ARID2: variants seen among roughly 807,000 people sequenced by gnomAD.
The protein encoded by ARID2 is AT-rich interactive domain-containing protein 2.
ARID2 carries 32 observed loss-of-function variants against 184.6 expected under a neutral mutation model. The observed-to-expected ratio is 0.17, with a 90% CI of 0.13 to 0.23. The LOEUF is 0.23. Among genes scored for constraint, ARID2 ranks in the 10% least tolerant of loss-of-function variants. The pLI is 1.00. For missense variants in ARID2, 1,696 were observed against 2,197.6 expected (o/e 0.77, Z 4.56); for synonymous variants, 836 against 772.6 (o/e 1.08, Z -1.36).
At chr12:45,878,151 TTTTC>T (rs1490654286) in intron 16 of ARID2, among the ~76,000 whole-genome samples, 2 of 152,212 alleles carry the variant, frequency 1.3e-5, no homozygotes, top group Non-Finnish European at 2.9e-5. Flanking sequence ...GTGAAGGTTT[TTTTC>T]TTTGTCTTTG....
chr12:45,734,588 T>A (rs960064313), intron 3 of ARID2, among the ~76,000 whole-genome samples: 3 of 151,292 alleles, frequency 2.0e-5, no homozygotes, highest in Non-Finnish European at 4.4e-5. Context: ...AAAAAAAAAA[T>A]TAAATGGCTT....
intron 4 of ARID2, among the ~76,000 whole-genome samples, chr12:45,815,924 G>A (rs1262936883): frequency 6.6e-6 from 1 of 152,234 alleles, no homozygotes. Flanking sequence ...GCCTCCCAAA[G>A]TGTTGGGATT....
At chr12:45,860,240 A>T (rs1422547051) in intron 15 of ARID2, among the ~76,000 whole-genome samples, 3 of 152,210 alleles carry the variant, frequency 2.0e-5, no homozygotes, top group Admixed American at 6.5e-5. Flanking sequence ...TAACAAAAAT[A>T]CATAATTGAG....
rs2138157050 is a variant in ARID2 at position 45,849,677 on chromosome 12, C to T, written c.1813C>T (p.Pro605Ser). ...HVVGVKRRAI[P>S]LPIQMYYQQQ... ...GGTAGGAGTAAAACGGAGGGCTATA[C>T]CACTTCCCATTCAGATGTACTATCA... Residue 605 changes from proline (P) to serine (S), a missense_variant, in exon 14 of 21, where the codon CCA becomes TCA. This residue lies in a region of ARID2 where 713 missense variants were observed against 824.4 expected (regional missense o/e 0.86). Transcript: ENST00000334344. The T allele has an allele frequency of 6.2e-7, 1 of 1,613,888 alleles. No homozygotes were observed. The highest frequency in any genetic ancestry group is 8.5e-7 in the Non-Finnish European group (1 of 1,179,836).
chr12:45,899,286 AAAAAAAAAAAAG>A (rs1565644418), intron 20 of ARID2, among the ~76,000 whole-genome samples: 1 of 146,908 alleles, frequency 6.8e-6, no homozygotes, highest in Non-Finnish European at 1.5e-5. Context: ...AAAAAAAAAA[AAAAAAAAAAAAG>A]TAAGTGCTAC....
intron 16 of ARID2, among the ~76,000 whole-genome samples, chr12:45,875,066 T>G (rs1318677522): frequency 6.6e-6 from 1 of 152,188 alleles, no homozygotes; most frequent in Non-Finnish European, 1.5e-5. Flanking sequence ...GAGTTTGCAG[T>G]GAGCGGAGAT....
At chr12:45,786,743 G>T (rs1320164683) in intron 3 of ARID2, among the ~76,000 whole-genome samples, 1 of 152,144 alleles carries the variant, frequency 6.6e-6, no homozygotes, top group Non-Finnish European at 1.5e-5. Flanking sequence ...AACAACCCAA[G>T]TGTCCATTGA....
chr12:45,844,473 G>A (rs931533667), intron 11 of ARID2, among the ~76,000 whole-genome samples: 3 of 152,038 alleles, frequency 2.0e-5, no homozygotes, highest in African/African-American at 2.4e-5. Context: ...ACAAACCAAG[G>A]GGCCAGAATA....
chr12:45,732,524 A>C (rs1032759638), intron 3 of ARID2, among the ~76,000 whole-genome samples: 2 of 152,186 alleles, frequency 1.3e-5, no homozygotes, highest in African/African-American at 4.8e-5. Context: ...GTCAGAGTAC[A>C]TTTTAAATTA....
intron 16 of ARID2, among the ~76,000 whole-genome samples, chr12:45,884,541 C>CA (rs1944156147): frequency 6.6e-6 from 1 of 152,176 alleles, no homozygotes; most frequent in Admixed American, 6.5e-5. Flanking sequence ...CATTTTAAAA[C>CA]AAAGTCCCTG....
intron 3 of ARID2, among the ~76,000 whole-genome samples, chr12:45,805,884 G>A (rs1942590911): frequency 6.6e-6 from 1 of 152,040 alleles, no homozygotes; most frequent in Non-Finnish European, 1.5e-5. Context: ...CTGAATGTTT[G>A]TACCCATTGA....
At chr12:45,803,452 C>T (rs915239365) in intron 3 of ARID2, among the ~76,000 whole-genome samples, 12 of 152,108 alleles carry the variant, frequency 7.9e-5, no homozygotes, top group Non-Finnish European at 1.6e-4. Context: ...TTATCAGTAT[C>T]CTTGCTTGAA....
chr12:45,802,415 A>G lies in ARID2; in HGVS notation c.285-9003A>G, dbSNP rs1382193676. Among the ~76,000 whole-genome samples, 3 of 152,188 alleles carry G rather than the reference A, an allele frequency of 2.0e-5. No individual in the cohort carries two copies. In the East Asian group the frequency reaches 5.8e-4, roughly 29 times the overall value. ...GCACAGTATTTTCAGTCACAAAGGCACATGGTAGAGAGAAAATACTTTTTA... is the reference window on the plus strand; with the variant it reads ...GCACAGTATTTTCAGTCACAAAGGCGCATGGTAGAGAGAAAATACTTTTTA... On this transcript the variant is annotated intron_variant, in intron 3 of 20. Coordinates refer to ENST00000334344, the MANE Select transcript of ARID2 (RefSeq NM_152641.4).
intron 3 of ARID2, among the ~76,000 whole-genome samples, chr12:45,766,026 CTATTG>C (rs1328825755): frequency 6.6e-6 from 1 of 152,028 alleles, no homozygotes; most frequent in East Asian, 1.9e-4. Context: ...GAGTAGTATT[CTATTG>C]TATTGATACA....
intron 3 of ARID2, among the ~76,000 whole-genome samples, chr12:45,773,272 A>G (rs988375909): frequency 1.6e-4 from 25 of 152,096 alleles, no homozygotes; most frequent in African/African-American, 6.0e-4. Flanking sequence ...GAAAATCTGT[A>G]ATTGTAAATG....
At chr12:45,903,373 A>C (rs1314128884) in intron 20 of ARID2, among the ~76,000 whole-genome samples, 1 of 152,194 alleles carries the variant, frequency 6.6e-6, no homozygotes, top group Non-Finnish European at 1.5e-5. Flanking sequence ...TTGGTGACTC[A>C]TAAGATGTTA....
intron 5 of ARID2, among the ~76,000 whole-genome samples, chr12:45,818,304 A>C (rs1040133627): frequency 6.6e-6 from 1 of 152,164 alleles, no homozygotes; most frequent in African/African-American, 2.4e-5. Context: ...CGTAAGGCTT[A>C]TCAAAGGCTT....
Position 45,893,776 on chromosome 12 carries a change from T to C in ARID2, c.5363+55T>C, listed in dbSNP as rs1328228370. On this transcript the variant is annotated intron_variant, in intron 20 of 20. Transcript: ENST00000334344. ...GAATTTAGTTTATTTTATTTTTACATATAAGTTAATAAAATTAGATAACTG... is the reference window on the plus strand; with the variant it reads ...GAATTTAGTTTATTTTATTTTTACACATAAGTTAATAAAATTAGATAACTG... The C allele has an allele frequency of 3.7e-6, 5 of 1,334,172 alleles. No individual in the cohort carries two copies. In the East Asian group the frequency reaches 1.0e-4, roughly 27 times the overall value. The allele number at this position is 1,334,172 out of a possible 1,614,324, so 82.6% of individuals were successfully genotyped here.
At chr12:45,889,766 C>T (rs758207707) in intron 16 of ARID2, among the ~76,000 whole-genome samples, 15 of 152,206 alleles carry the variant, frequency 9.9e-5, no homozygotes, top group African/African-American at 1.2e-4. Flanking sequence ...GGCGAAACCC[C>T]GTCTTGCCTA....
Sources: allele counts gnomAD v4.1 joint callset (sites outside exome capture counted in the v4.1 genomes callset), GRCh38; gene constraint gnomAD v4.1.1; regional missense constraint gnomAD v4.1.1; transcripts MANE v1.5; gene names NCBI Gene and HGNC (gene_info 2026-07-23, HGNC 2026-07-21).